The following TEK variants were observed in gnomAD, a reference collection of about 807,000 sequenced individuals.
TEK encodes the protein angiopoietin-1 receptor.
TEK carries 43 observed loss-of-function variants against 131.8 expected under a neutral mutation model. The observed-to-expected ratio is 0.33, with a 90% CI of 0.26 to 0.42. TEK has a LOEUF of 0.42. Ranked by LOEUF, TEK falls within the 10% of genes least tolerant of loss-of-function variation. The pLI, the probability that TEK is intolerant of heterozygous loss-of-function variation, is 1.00. For missense variants in TEK, 1,162 were observed against 1,384.4 expected (o/e 0.84, Z 2.55); for synonymous variants, 580 against 491.6 (o/e 1.18, Z -2.38).
At chr9:27,109,756 A>C in intron 1 of TEK, 114 bp downstream of exon 1, 3 of 1,008,246 alleles carry the variant, frequency 3.0e-6, no homozygotes, top group Non-Finnish European at 4.6e-6. Flanking sequence ...GGCTGTAGCA[A>C]AGGCACCATT....
At chr9:27,139,095 G>A (rs1316466001) in intron 1 of TEK, among the ~76,000 whole-genome samples, 1 of 150,948 alleles carries the variant, frequency 6.6e-6, no homozygotes, top group Non-Finnish European at 1.5e-5. Flanking sequence ...TGTAGTCCCA[G>A]CTACTCCGGA....
chr9:27,227,428 GTCATTTCCGGCTGCTGTA>G (rs1377858610), intron 21 of TEK, among the ~76,000 whole-genome samples: 1 of 152,176 alleles, frequency 6.6e-6, no homozygotes, highest in East Asian at 1.9e-4. Context: ...TGTTGTCTTA[GTCATTTCCGGCTGCTGTA>G]ACAACATACC....
At chr9:27,123,775 T>G (rs1821887111) in intron 1 of TEK, among the ~76,000 whole-genome samples, 1 of 152,126 alleles carries the variant, frequency 6.6e-6, no homozygotes, top group Non-Finnish European at 1.5e-5. Context: ...AGGTTAAATT[T>G]CTTCATTTTA....
At chr9:27,142,339 T>G (rs1424906124) in intron 1 of TEK, among the ~76,000 whole-genome samples, 1 of 152,214 alleles carries the variant, frequency 6.6e-6, no homozygotes, top group Non-Finnish European at 1.5e-5. Flanking sequence ...ATGTTGCATT[T>G]GAGATGCCTA....
At chr9:27,219,954 G>GTCTTCCTCCTGGCCCCTTATA (rs1825994653) in intron 20 of TEK, 95 bp from the exon 21 acceptor site, 3 of 1,285,786 alleles carry the variant, frequency 2.3e-6, no homozygotes, top group Non-Finnish European at 3.4e-6. Flanking sequence ...GCCATACCAT[G>GTCTTCCTCCTGGCCCCTTATA]TCTTCCTCCT....
At chr9:27,185,672 T>G (rs1824574909) in intron 9 of TEK, 43 bp downstream of exon 9, 1 of 1,611,800 alleles carries the variant, frequency 6.2e-7, no homozygotes. Context: ...CCTTGATGCA[T>G]TATGTTTTTG....
chr9:27,202,508 G>A (rs986905482), intron 12 of TEK, among the ~76,000 whole-genome samples: 3 of 152,192 alleles, frequency 2.0e-5, no homozygotes, highest in Non-Finnish European at 4.4e-5. Flanking sequence ...CTATATAAAT[G>A]CCAGCCCTCA....
chr9:27,170,642 A>G (rs1823920698), intron 4 of TEK, among the ~76,000 whole-genome samples: 1 of 152,088 alleles, frequency 6.6e-6, no homozygotes, highest in Admixed American at 6.6e-5. Context: ...GTTCCAGAAA[A>G]GATAAGCTTC....
chr9:27,129,300 A>G (rs2131057798), intron 1 of TEK, among the ~76,000 whole-genome samples: 1 of 152,254 alleles, frequency 6.6e-6, no homozygotes, highest in East Asian at 1.9e-4. Context: ...AGCAGGTCAA[A>G]GGAAAAGATG....
At chr9:27,125,767 G>GT (rs1237326909) in intron 1 of TEK, among the ~76,000 whole-genome samples, 1 of 151,870 alleles carries the variant, frequency 6.6e-6, no homozygotes, top group Admixed American at 6.6e-5. Context: ...TTATTTTTTT[G>GT]TATCTCCCTG....
At chr9:27,115,473 T>G (rs2131029745) in intron 1 of TEK, among the ~76,000 whole-genome samples, 1 of 152,226 alleles carries the variant, frequency 6.6e-6, no homozygotes, top group African/African-American at 2.4e-5. Context: ...CCCTCCAGCC[T>G]AGGCAACAGA....
intron 11 of TEK, 113 bp from the exon 12 acceptor site, chr9:27,197,202 A>G (rs767807302): frequency 1.4e-4 from 168 of 1,175,658 alleles, no homozygotes; most frequent in Non-Finnish European, 2.0e-4. Context: ...ACCTCCCACC[A>G]GGCCCCACCT....
intron 6 of TEK, among the ~76,000 whole-genome samples, chr9:27,174,753 G>A (rs753686397): frequency 1.1e-4 from 17 of 152,064 alleles, no homozygotes; most frequent in Non-Finnish European, 2.1e-4. Flanking sequence ...CACAGCAGTG[G>A]AGAAATCCCA....
chr9:27,119,613 TG>T (rs200320408), intron 1 of TEK, among the ~76,000 whole-genome samples: 1 of 151,570 alleles, frequency 6.6e-6, no homozygotes, highest in Non-Finnish European at 1.5e-5. Context: ...GAGAGTCGGG[TG>T]GAGAGTCGGG....
rs1825875990 is a variant in TEK, at chr9:27,217,883, C to T, written c.3062+125C>T. ...CGGGAACAAAGGTAACTAAAAAGCT[C>T]AGGAAATAAATTAGCAGAATAAAGC... On this transcript the variant is annotated intron_variant, in intron 19 of 22. Transcript: ENST00000380036. The T allele has an allele frequency of 3.3e-5, 28 of 852,398 alleles. 1 individual carries two copies. The highest frequency in any genetic ancestry group is 2.4e-4 in the South Asian group (17 of 70,170). The allele number at this position is 852,398 out of a possible 1,614,324, so 52.8% of individuals were successfully genotyped here. A position where few individuals can be genotyped will look rare whatever the true frequency, so the allele number is the denominator to read the frequency against.
intron 9 of TEK, among the ~76,000 whole-genome samples, chr9:27,190,239 C>T (rs921064321): frequency 3.3e-5 from 5 of 152,078 alleles, no homozygotes; most frequent in African/African-American, 1.2e-4. Context: ...CACTCAAGGC[C>T]TGGCTGGTCA....
chr9:27,126,490 G>A (rs1445607726), intron 1 of TEK, among the ~76,000 whole-genome samples: 1 of 152,170 alleles, frequency 6.6e-6, no homozygotes, highest in African/African-American at 2.4e-5. Flanking sequence ...AAATGACTGG[G>A]AAAGTGCTTT....
At chr9:27,220,214 C>A in intron 21 of TEK, 69 bp downstream of exon 21, 1 of 1,511,256 alleles carries the variant, frequency 6.6e-7, no homozygotes, top group Non-Finnish European at 9.2e-7. Context: ...GGCCAGCTGA[C>A]TCTAGCAAAG....
intron 21 of TEK, among the ~76,000 whole-genome samples, chr9:27,226,155 T>C (rs923083323): frequency 2.0e-5 from 3 of 152,208 alleles, no homozygotes; most frequent in Admixed American, 1.3e-4. Context: ...AGCTCAACCA[T>C]TGTGGAAGTC....
Sources: allele counts gnomAD v4.1 joint callset (sites outside exome capture counted in the v4.1 genomes callset), GRCh38; gene constraint gnomAD v4.1.1; transcripts MANE v1.5; gene names NCBI Gene and HGNC (gene_info 2026-07-23, HGNC 2026-07-21).